The following BAD variants were observed in gnomAD, a reference collection of about 807,000 sequenced individuals.
BAD encodes BCL2 associated agonist of cell death, also known as bcl2-associated agonist of cell death.
Under a neutral mutation model 17.8 loss-of-function variants are expected in BAD, and 18 were observed. The ratio of observed to expected loss-of-function variants is 1.01; its 90% CI spans 0.70 to 1.50. The LOEUF is 1.50. Among genes scored for constraint, BAD ranks in the 40% most tolerant of loss-of-function variants. The probability of loss-of-function intolerance (pLI) is 0.00; values close to 1 mark genes in which losing one functional copy is unlikely to be tolerated. For missense variants in BAD, 294 were observed against 239.3 expected (o/e 1.23, Z -1.51); for synonymous variants, 112 against 91.5 (o/e 1.22, Z -1.28).
At chr11:64,276,956 G>C (rs755646028) in intron 2 of BAD, 6 of 753,756 alleles carry the variant, frequency 8.0e-6, no homozygotes. Context: ...GGCTGGGGCG[G>C]ACATCCCTGC....
In BAD at chr11:64,270,246, C is replaced by A. The variant is rs772278538; in HGVS notation, c.470G>T (p.Arg157Leu). Residue 157 changes from arginine (R) to leucine (L), a missense_variant, in exon 4 of 4, where the codon CGG (arginine) becomes CTG (leucine). Physicochemically the swap from Arg to Leu is moderately radical, Grantham distance 102 (BLOSUM62 -2). Coordinates refer to ENST00000309032, the MANE Select transcript of BAD (RefSeq NM_032989.3). Reference protein sequence around the residue: ...WTRVFQSWWDRNLGRGSSAPS... With the variant: ...WTRVFQSWWDLNLGRGSSAPS... ...GGCGGAGCTTCCCCTGCCCAAGTTC[C>A]GATCCCACCAGGACTGGAAGACTCG... 4 of 1,611,790 alleles carry A rather than the reference C, an allele frequency of 2.5e-6. No homozygotes were observed.
chr11:64,272,504 C>T (rs973711370), intron 2 of BAD, among the ~76,000 whole-genome samples: 41 of 152,270 alleles, frequency 2.7e-4, no homozygotes, highest in Admixed American at 2.6e-3. Context: ...CCTGCAGAGC[C>T]CCTGGAGAAC....
At position 64,270,357 on chromosome 11, in the gene BAD, G is replaced by A. The variant is rs747155830; in HGVS notation, c.379-20C>T. ...TCCCTTCTGGTGGAGGGAGAAAAGG[G>A]TTACATGAGTTAGATTACCATGGCA... On this transcript the variant is annotated intron_variant, in intron 3 of 3. Transcript: ENST00000309032. 6.5e-7 allele frequency: 1 copy of A among 1,528,002 alleles called. No homozygotes were observed. Among genetic ancestry groups the A allele is most frequent in the Non-Finnish European group, 8.8e-7 (1 of 1,136,340 alleles). The allele number at this position is 1,528,002 out of a possible 1,614,324, so 94.7% of individuals were successfully genotyped here. A position where few individuals can be genotyped will look rare whatever the true frequency, so the allele number is the denominator to read the frequency against.
At position 64,269,852 on chromosome 11, in the gene BAD, T is replaced by G; in HGVS notation, c.*357A>C. 1 of 696,066 alleles carries G rather than the reference T, an allele frequency of 1.4e-6. No homozygotes were observed. Among genetic ancestry groups the G allele is most frequent in the Non-Finnish European group, 2.6e-6 (1 of 382,698 alleles). The allele number at this position is 696,066 out of a possible 1,614,324, so 43.1% of individuals were successfully genotyped here. ...CTCGGCGGCACAGACGCGGGCTTTA[T>G]TAACATTTGGTAGTGAGCACGGCCC... On this transcript the variant is annotated 3_prime_UTR_variant, in exon 4 of 4. Transcript: ENST00000309032.
intron 2 of BAD, among the ~76,000 whole-genome samples, chr11:64,278,377 T>C (rs2033208178): frequency 6.7e-6 from 1 of 148,164 alleles, no homozygotes; most frequent in Non-Finnish European, 1.5e-5. Flanking sequence ...AAAAAAATTA[T>C]ATATATATAT....
At chr11:64,270,900 GACACACACACACACAC>G (rs71045754) in intron 3 of BAD, among the ~76,000 whole-genome samples, 2 of 87,654 alleles carry the variant, frequency 2.3e-5, no homozygotes, top group Non-Finnish European at 2.3e-5. Flanking sequence ...TGCCCTGTGA[GACACACACACACACAC>G]ACACACACAC....
In BAD at chr11:64,271,771, T is replaced by C; in HGVS notation, c.220A>G (p.Ser74Gly). Reference protein sequence around the residue: ...AGAVEIRSRHSSYPAGTEDDE... With the variant: ...AGAVEIRSRHGSYPAGTEDDE... ...TCCTCCGTCCCCGCGGGGTAGGAGCTGTGGCGACTCCGGATCTCCACAGCC... is the reference window on the plus strand; with the variant it reads ...TCCTCCGTCCCCGCGGGGTAGGAGCCGTGGCGACTCCGGATCTCCACAGCC... The change falls in exon 3 of 4, where the codon AGC becomes GGC. Residue 74 changes from serine (S) to glycine (G), a missense_variant. Transcript: ENST00000309032. 7.2e-7 allele frequency: 1 copy of C among 1,390,932 alleles called. No individual in the cohort carries two copies. The allele number at this position is 1,390,932 out of a possible 1,614,324, so 86.2% of individuals were successfully genotyped here.
chr11:64,276,270 A>G (rs1443451364), intron 2 of BAD: 3 of 130,902 alleles, frequency 2.3e-5, no homozygotes, highest in African/African-American at 3.2e-5. Context: ...AAATATACAT[A>G]TATTTATGTG....
intron 2 of BAD, among the ~76,000 whole-genome samples, chr11:64,278,838 T>C (rs2135125228): frequency 6.6e-6 from 1 of 152,136 alleles, no homozygotes; most frequent in Non-Finnish European, 1.5e-5. Context: ...CAAGTGTGAG[T>C]TGCTCTGCGC....
intron 2 of BAD, among the ~76,000 whole-genome samples, chr11:64,272,330 AAAGC>A (rs1041701056): frequency 1.3e-5 from 2 of 151,992 alleles, no homozygotes. Flanking sequence ...AAAAAAAAAA[AAAGC>A]AAGAAGTATT....
chr11:64,270,776 C>T, intron 3 of BAD: 1 of 431,000 alleles, frequency 2.3e-6, no homozygotes, highest in Non-Finnish European at 4.7e-6. Context: ...GCCTGGGCGA[C>T]AGAGCGCACA....
chr11:64,271,573 T>C, intron 3 of BAD, 40 bp downstream of exon 3: 1 of 1,372,194 alleles, frequency 7.3e-7, no homozygotes, highest in Admixed American at 3.4e-5. Context: ...GGGGGCGGCC[T>C]GGTACTTCAG....
In BAD at chr11:64,270,216, G is replaced by T; in HGVS notation, c.500C>A (p.Ser167Tyr). Residue 167 changes from serine (S) to tyrosine (Y), a missense_variant, in exon 4 of 4, where the codon TCC becomes TAC. Ser to Tyr is a moderately radical substitution (Grantham distance 144). Coordinates refer to ENST00000309032, the MANE Select transcript of BAD (RefSeq NM_032989.3). Reference sequence around the variant, plus strand: ...CGGGATGTGGAGCGAAGGTCACTGGGAGGGGGCGGAGCTTCCCCTGCCCAA... The same window carrying T: ...CGGGATGTGGAGCGAAGGTCACTGGTAGGGGGCGGAGCTTCCCCTGCCCAA... ...RNLGRGSSAP[S>Y]Q The T allele has an allele frequency of 6.2e-7, 1 of 1,613,584 alleles. No homozygotes were observed. The highest frequency in any genetic ancestry group is 8.5e-7 in the Non-Finnish European group (1 of 1,179,666).
At chr11:64,272,140 G>A (rs533001353) in intron 2 of BAD, among the ~76,000 whole-genome samples, 20 of 152,248 alleles carry the variant, frequency 1.3e-4, no homozygotes, top group African/African-American at 4.6e-4. Flanking sequence ...CCAACATGGT[G>A]AAACCCTGTC....
chr11:64,272,420 G>A (rs1411465709), intron 2 of BAD, among the ~76,000 whole-genome samples: 1 of 152,038 alleles, frequency 6.6e-6, no homozygotes, highest in Non-Finnish European at 1.5e-5. Context: ...GTTCTACATC[G>A]GAGGAAGCCA....
In BAD at chr11:64,270,060, C is replaced by A. The variant is rs1169037078; in HGVS notation, c.*149G>T. 12 of 1,382,990 alleles carry A rather than the reference C, an allele frequency of 8.7e-6. No homozygotes were observed. The South Asian group carries it at 8.8e-5, about 10-fold the overall frequency. 85.7% of individuals were successfully genotyped at this position (1,382,990 alleles called of 1,614,324 possible). A position where few individuals can be genotyped will look rare whatever the true frequency, so the allele number is the denominator to read the frequency against. On this transcript the variant is annotated 3_prime_UTR_variant, in exon 4 of 4. Coordinates refer to ENST00000309032, the MANE Select transcript of BAD (RefSeq NM_032989.3). ...CAAGCCTTCCGTGGCTTCACACGCA[C>A]CGGAAGGGAATCTGGGTCAGCCCTC...
chr11:64,278,717 C>CTGGGCTGTG (rs1334364737), intron 2 of BAD, among the ~76,000 whole-genome samples: 2 of 152,232 alleles, frequency 1.3e-5, no homozygotes, highest in African/African-American at 4.8e-5. Context: ...GTTTCAGACA[C>CTGGGCTGTG]TGGGCTGTGT....
Position 64,271,162 on chromosome 11 carries a change from A to ACG in BAD, c.378+450_378+451insCG, listed in dbSNP as rs1335844292. Among the ~76,000 whole-genome samples, 2 of 208 alleles carry ACG rather than the reference A, an allele frequency of 9.6e-3. 1 individual carries two copies. The highest frequency in any genetic ancestry group is 0.029 in the Non-Finnish European group (2 of 70). 0.1% of individuals were successfully genotyped at this position (208 alleles called of 152,430 possible). A position where few individuals can be genotyped will look rare whatever the true frequency, so the allele number is the denominator to read the frequency against. Reference sequence around the variant, plus strand: ...CACACACACACACACACACACACACACCTGGAGTGGGATCTAGACTACAGA... The same window carrying ACG: ...CACACACACACACACACACACACACACGCCTGGAGTGGGATCTAGACTACAGA... On this transcript the variant is annotated intron_variant, in intron 3 of 3. Transcript: ENST00000309032.
intron 2 of BAD, among the ~76,000 whole-genome samples, chr11:64,280,648 G>T (rs2033407462): frequency 6.8e-6 from 1 of 147,802 alleles, no homozygotes; most frequent in Non-Finnish European, 1.5e-5. Context: ...ACCGCGCCTG[G>T]CCTAATTTAT....
Sources: gnomAD v4.1 joint callset for allele counts (sites outside exome capture counted in the v4.1 genomes callset) on GRCh38, gnomAD v4.1.1 for gene constraint, MANE v1.5 for transcripts, NCBI Gene and HGNC (gene_info 2026-07-23, HGNC 2026-07-21) for gene names.